ZFAND4: variants seen among roughly 807,000 people sequenced by gnomAD.
ZFAND4 encodes AN1-type zinc finger protein 4.
ZFAND4 carries 43 observed loss-of-function variants against 64.4 expected under a neutral mutation model. The ratio of observed to expected loss-of-function variants is 0.67; its 90% CI spans 0.52 to 0.86. ZFAND4 has a LOEUF of 0.86. Ranked by LOEUF, ZFAND4 falls within the 40% of genes least tolerant of loss-of-function variation. ZFAND4 has a pLI of 0.00. For missense variants in ZFAND4, 929 were observed against 859.8 expected, an observed-to-expected ratio of 1.08 and a Z score of -1.01; for synonymous variants, 296 against 305.7, an observed-to-expected ratio of 0.97 and a Z score of 0.33.
chr10:45,671,541 T>C (rs959546028), intron 1 of ZFAND4, among the ~76,000 whole-genome samples: 2 of 152,128 alleles, frequency 1.3e-5, no homozygotes, highest in African/African-American at 2.4e-5. Flanking sequence ...TGGACATGGA[T>C]GAAGCTGGAA....
chr10:45,636,993 G>T (rs1589312271), intron 6 of ZFAND4, among the ~76,000 whole-genome samples: 2 of 139,970 alleles, frequency 1.4e-5, no homozygotes, highest in Admixed American at 7.4e-5. Flanking sequence ...TAAGTCAATT[G>T]TTCCCCATCA....
At chr10:45,662,719 C>T (rs2048559516) in intron 2 of ZFAND4, 1 of 955,780 alleles carries the variant, frequency 1.0e-6, no homozygotes, top group Non-Finnish European at 1.2e-6. Context: ...TCATATATAT[C>T]CTTGGCCTCA....
intron 4 of ZFAND4, chr10:45,649,055 T>A: frequency 4.2e-6 from 2 of 473,752 alleles, no homozygotes; most frequent in Non-Finnish European, 5.5e-6. Context: ...GATCATGAAG[T>A]CAAGAGATCA....
In ZFAND4 at chr10:45,616,317, T is replaced by C. The variant is rs2044934884; in HGVS notation, c.*119A>G. 7.6e-7 allele frequency: 1 copy of C among 1,321,616 alleles called. No individual in the cohort carries two copies. The highest frequency in any genetic ancestry group is 1.0e-6 in the Non-Finnish European group (1 of 960,214). 81.9% of individuals were successfully genotyped at this position (1,321,616 alleles called of 1,614,324 possible). Reference sequence around the variant, plus strand: ...ATTCTTGTTCTCCAACAGTATGCATTGTATGCTTTTGTTATTTGGCAAATC... The same window carrying C: ...ATTCTTGTTCTCCAACAGTATGCATCGTATGCTTTTGTTATTTGGCAAATC... On this transcript the variant is annotated 3_prime_UTR_variant, in exon 10 of 10. Coordinates refer to ENST00000344646, the MANE Select transcript of ZFAND4 (RefSeq NM_174890.4).
At chr10:45,629,893 A>C (rs1237219731) in intron 6 of ZFAND4, among the ~76,000 whole-genome samples, 1 of 152,074 alleles carries the variant, frequency 6.6e-6, no homozygotes, top group Admixed American at 6.5e-5. Context: ...TTTTTAAAAT[A>C]ACAAATAAAA....
At chr10:45,665,208 A>G (rs1458509070) in intron 1 of ZFAND4, among the ~76,000 whole-genome samples, 3 of 152,140 alleles carry the variant, frequency 2.0e-5, no homozygotes, top group Non-Finnish European at 4.4e-5. Flanking sequence ...CAAATGATAC[A>G]CATCTTTCTG....
At chr10:45,635,195 C>CAAAAAAAAAAAAAA (rs1173808756) in intron 6 of ZFAND4, among the ~76,000 whole-genome samples, 78 of 27,586 alleles carry the variant, frequency 2.8e-3, no homozygotes, top group South Asian at 6.1e-3. Flanking sequence ...GCCATCTAAG[C>CAAAAAAAAAAAAAA]AAAAAAAAAA....
rs374047646 is a variant in ZFAND4, at chr10:45,630,807, A to G, written c.718-3702T>C. On this transcript the variant is annotated intron_variant, in intron 6 of 9. Coordinates refer to ENST00000344646, the MANE Select transcript of ZFAND4 (RefSeq NM_174890.4). The stretch of plus-strand genomic sequence containing the variant: ...AAAGAATCTAAAAGGATAAGAGAGA[A>G]GGTGGTTGTATATTAGACAAAGAAG... Among the ~76,000 whole-genome samples the G allele has an allele frequency of 3.8e-4, 58 of 152,146 alleles. 6 individuals are homozygous for G. The highest frequency in any genetic ancestry group is 2.7e-3 in the Admixed American group (42 of 15,276).
chr10:45,632,507 A>G (rs535788741), intron 6 of ZFAND4, among the ~76,000 whole-genome samples: 155 of 152,332 alleles, frequency 1.0e-3, no homozygotes, highest in African/African-American at 3.4e-3. Context: ...GAAGAGAAAA[A>G]AATAAGTTCA....
At chr10:45,669,478 T>C (rs1308210808) in intron 1 of ZFAND4, among the ~76,000 whole-genome samples, 2 of 152,194 alleles carry the variant, frequency 1.3e-5, no homozygotes, top group Non-Finnish European at 2.9e-5. Flanking sequence ...CCATTCCTTC[T>C]GAAACTATTC....
Position 45,640,150 on chromosome 10 carries a change from T to A in ZFAND4, c.570-187A>T. 3.1e-6 allele frequency: 4 copies of A among 1,271,714 alleles called. No individual in the cohort carries two copies. The South Asian group carries it at 7.3e-5, about 23-fold the overall frequency. The allele number at this position is 1,271,714 out of a possible 1,614,324, so 78.8% of individuals were successfully genotyped here. On this transcript the variant is annotated intron_variant, in intron 5 of 9. Transcript: ENST00000344646. ...CTTAAAAGAAAAAATGAAATGGGAA[T>A]AAATATTATGATCTAGGATTACTGA...
At chr10:45,646,472 CA>C (rs2047391936) in intron 5 of ZFAND4, among the ~76,000 whole-genome samples, 1 of 151,924 alleles carries the variant, frequency 6.6e-6, no homozygotes, top group Admixed American at 6.6e-5. Flanking sequence ...TAGATGAATA[CA>C]AAGGAAGAAA....
chr10:45,617,015 T>G (rs958862395), intron 9 of ZFAND4, among the ~76,000 whole-genome samples: 1 of 150,566 alleles, frequency 6.6e-6, no homozygotes, highest in Non-Finnish European at 1.5e-5. Context: ...GAGGTGGAGG[T>G]TGCAGTGAGC....
chr10:45,636,354 G>C (rs2046593542), intron 6 of ZFAND4, among the ~76,000 whole-genome samples: 1 of 152,066 alleles, frequency 6.6e-6, no homozygotes, highest in African/African-American at 2.4e-5. Context: ...TTTGAAACTG[G>C]TCTAGGCGCA....
At chr10:45,637,728 C>A (rs970109114) in intron 6 of ZFAND4, among the ~76,000 whole-genome samples, 2 of 152,002 alleles carry the variant, frequency 1.3e-5, no homozygotes, top group Admixed American at 6.6e-5. Flanking sequence ...CCAGCCTGGG[C>A]AACAGGGCGA....
At chr10:45,627,322 AT>A (rs1418304332) in intron 6 of ZFAND4, among the ~76,000 whole-genome samples, 1 of 152,160 alleles carries the variant, frequency 6.6e-6, no homozygotes, top group East Asian at 1.9e-4. Flanking sequence ...AAGAAAAATA[AT>A]TTTGTTTTAT....
At chr10:45,632,276 T>C (rs909672147) in intron 6 of ZFAND4, among the ~76,000 whole-genome samples, 5 of 152,318 alleles carry the variant, frequency 3.3e-5, no homozygotes, top group Non-Finnish European at 5.9e-5. Flanking sequence ...GAGAATTGCT[T>C]GAACCCAGGA....
Position 45,616,286 on chromosome 10 carries a change from A to G in ZFAND4, c.*150T>C, listed in dbSNP as rs148916805. On this transcript the variant is annotated 3_prime_UTR_variant, in exon 10 of 10. Coordinates refer to ENST00000344646, the MANE Select transcript of ZFAND4 (RefSeq NM_174890.4). ...ACCAAGAAATAAAGATGTAAAATAC[A>G]GTAGCATTCTTGTTCTCCAACAGTA... 1.8e-5 allele frequency: 18 copies of G among 1,026,864 alleles called. No individual in the cohort carries two copies. Among genetic ancestry groups the G allele is most frequent in the Non-Finnish European group, 2.4e-5 (17 of 722,738 alleles). 63.6% of individuals were successfully genotyped at this position (1,026,864 alleles called of 1,614,324 possible).
At chr10:45,635,426 T>C (rs895357205) in intron 6 of ZFAND4, among the ~76,000 whole-genome samples, 2 of 152,068 alleles carry the variant, frequency 1.3e-5, no homozygotes, top group Non-Finnish European at 2.9e-5. Context: ...GGGGAAAGGA[T>C]AGTCTCTTCA....
Sources: gnomAD v4.1 joint callset for allele counts (sites outside exome capture counted in the v4.1 genomes callset) on GRCh38, gnomAD v4.1.1 for gene constraint, MANE v1.5 for transcripts, NCBI Gene and HGNC (gene_info 2026-07-23, HGNC 2026-07-21) for gene names.